Variants in MYO9A observed in about 807,000 individuals in gnomAD.
MYO9A encodes myosin IXA.
Under a neutral mutation model 293.3 loss-of-function variants are expected in MYO9A, and 103 were observed. The ratio of observed to expected loss-of-function variants is 0.35; its 90% CI spans 0.30 to 0.41. The LOEUF is 0.41. MYO9A is among the 10% of genes least tolerant of loss of function. MYO9A has a pLI of 1.00. For missense variants in MYO9A, 2,685 were observed against 3,033.0 expected (o/e 0.89, Z 2.69); for synonymous variants, 1,001 against 1,035.7 (o/e 0.97, Z 0.64).
chr15:72,022,506 C>T (rs533294940), intron 4 of MYO9A, among the ~76,000 whole-genome samples: 428 of 149,428 alleles, frequency 2.9e-3, no homozygotes, highest in Non-Finnish European at 4.8e-3. Context: ...GGTGACAAGG[C>T]GAGACTCTGT....
In MYO9A at chr15:71,868,371, C is replaced by T. The variant is rs148830961; in HGVS notation, c.5980-5760G>A. ...TTTCTCTGTCTTCTACTACCTATGT[C>T]TCCTGCATCATCTTCTACCTCATCT... On this transcript the variant is annotated intron_variant, in intron 32 of 41. Transcript: ENST00000356056. Among the ~76,000 whole-genome samples, 609 of 152,350 alleles carry T rather than the reference C, an allele frequency of 4.0e-3. 3 individuals carry two copies. Among genetic ancestry groups the T allele is most frequent in the African/African-American group, 0.014 (572 of 41,586 alleles).
intron 1 of MYO9A, among the ~76,000 whole-genome samples, chr15:72,106,199 C>T (rs2087688894): frequency 6.6e-6 from 1 of 151,986 alleles, no homozygotes; most frequent in Non-Finnish European, 1.5e-5. Flanking sequence ...GATTCCTGGC[C>T]AGGCACAATG....
intron 27 of MYO9A, 27 bp downstream of exon 27, chr15:71,887,977 C>T: frequency 2.4e-6 from 3 of 1,262,552 alleles, no homozygotes; most frequent in Non-Finnish European, 3.4e-6. Flanking sequence ...TTATATAACC[C>T]CTGTTAACTC....
At chr15:71,981,411 A>G (rs1029479350) in intron 11 of MYO9A, among the ~76,000 whole-genome samples, 1 of 152,162 alleles carries the variant, frequency 6.6e-6, no homozygotes, top group Admixed American at 6.5e-5. Flanking sequence ...ATGGCTTGCA[A>G]TGTTCTTCAG....
At chr15:71,950,193 A>C (rs1352942526) in intron 15 of MYO9A, 1 of 152,196 alleles carries the variant, frequency 6.6e-6, no homozygotes, top group African/African-American at 2.4e-5. Context: ...TTTTATAATT[A>C]GTATATTGCT....
At chr15:71,834,799 T>C (rs1285612638) in intron 39 of MYO9A, among the ~76,000 whole-genome samples, 1 of 151,830 alleles carries the variant, frequency 6.6e-6, no homozygotes, top group Non-Finnish European at 1.5e-5. Flanking sequence ...CAAAAAAGGA[T>C]TATTATGGGT....
intron 13 of MYO9A, among the ~76,000 whole-genome samples, chr15:71,967,322 C>A (rs2075903185): frequency 6.6e-6 from 1 of 152,134 alleles, no homozygotes; most frequent in Admixed American, 6.5e-5. Flanking sequence ...AAACACCAAG[C>A]ACAAAGTCTG....
At chr15:72,065,956 T>G (rs2079009328) in intron 1 of MYO9A, among the ~76,000 whole-genome samples, 1 of 152,228 alleles carries the variant, frequency 6.6e-6, no homozygotes, top group Non-Finnish European at 1.5e-5. Context: ...ACAACTTAGT[T>G]TAAGGAGTGG....
intron 3 of MYO9A, among the ~76,000 whole-genome samples, chr15:72,030,708 G>A (rs1192428903): frequency 3.3e-5 from 5 of 151,986 alleles, no homozygotes; most frequent in Non-Finnish European, 7.4e-5. Flanking sequence ...ATTTTTAGTA[G>A]AGATGGGCTT....
At chr15:71,866,118 A>G (rs2056315108) in intron 32 of MYO9A, among the ~76,000 whole-genome samples, 1 of 152,156 alleles carries the variant, frequency 6.6e-6, no homozygotes. Context: ...AGTTTTACCC[A>G]TGTTTGCTTT....
At chr15:71,936,109 C>T (rs1440857522) in intron 16 of MYO9A, among the ~76,000 whole-genome samples, 1 of 151,978 alleles carries the variant, frequency 6.6e-6, no homozygotes, top group Non-Finnish European at 1.5e-5. Context: ...GTGGTATATA[C>T]ATACAATGGA....
chr15:71,902,429 T>C lies in MYO9A; in HGVS notation c.3000+512A>G, dbSNP rs1276491687. ...AATCAGATAAGTAAGCTGTTCACTG[T>C]ATAAGCAATGTAGATGAGAAGAGAT... is the stretch of plus-strand genomic sequence containing the variant. On this transcript the variant is annotated intron_variant, in intron 22 of 41. Coordinates refer to ENST00000356056, the MANE Select transcript of MYO9A (RefSeq NM_006901.4). 2.0e-5 allele frequency among the ~76,000 whole-genome samples: 3 copies of C among 151,972 alleles called. No individual in the cohort carries two copies. In the East Asian group the frequency reaches 5.8e-4, roughly 29 times the overall value.
At chr15:71,943,438 T>C (rs1368406189) in intron 15 of MYO9A, among the ~76,000 whole-genome samples, 1 of 152,094 alleles carries the variant, frequency 6.6e-6, no homozygotes, top group Non-Finnish European at 1.5e-5. Context: ...TATACAATTT[T>C]TTATTTTGGA....
At position 71,897,510 on chromosome 15, in the gene MYO9A, T is replaced by A. The variant is rs753515332; in HGVS notation, c.4993A>T (p.Asn1665Tyr). The A allele has an allele frequency of 1.9e-6, 3 of 1,613,930 alleles. No individual in the cohort carries two copies. The highest frequency in any genetic ancestry group is 1.3e-5 in the African/African-American group (1 of 74,928). The stretch of plus-strand genomic sequence containing the variant: ...GGAGTGAAGAAAATGGGCCTAGCAT[T>A]TCCCTCTCTGGAAAGGTCATCAGAA... ...HNSDDLSREG[N>Y]ARPIFFTPKD... The change falls in exon 25 of 42, where the codon AAT (asparagine) becomes TAT (tyrosine). Residue 1665 changes from asparagine to tyrosine, a missense_variant. Asn to Tyr is a moderately radical substitution (Grantham distance 143). Transcript: ENST00000356056.
intron 1 of MYO9A, among the ~76,000 whole-genome samples, chr15:72,063,330 T>C (rs1469061032): frequency 6.6e-6 from 1 of 152,126 alleles, no homozygotes; most frequent in Non-Finnish European, 1.5e-5. Flanking sequence ...TCTAGGACAT[T>C]AGTCTGGGCA....
chr15:71,905,971 C>T (rs2057624375), intron 19 of MYO9A, among the ~76,000 whole-genome samples: 1 of 151,752 alleles, frequency 6.6e-6, no homozygotes, highest in African/African-American at 2.4e-5. Context: ...GACATATCTC[C>T]TTTTCTAATA....
intron 39 of MYO9A, among the ~76,000 whole-genome samples, chr15:71,840,465 G>A (rs111319422): frequency 0.025 from 3,802 of 152,186 alleles, 107 homozygotes; most frequent in African/African-American, 0.063. Context: ...GTAGTCATAT[G>A]AGTCTGAAAG....
chr15:71,956,681 A>C (rs1199322590), intron 14 of MYO9A, among the ~76,000 whole-genome samples: 2 of 150,532 alleles, frequency 1.3e-5, no homozygotes, highest in African/African-American at 2.4e-5. Flanking sequence ...CTATCTATAT[A>C]TCTCTCTTAT....
intron 14 of MYO9A, chr15:71,958,884 C>T (rs568938950): frequency 4.1e-4 from 62 of 152,150 alleles, no homozygotes; most frequent in Non-Finnish European, 7.6e-4. Context: ...ATTTTAAATG[C>T]CAAAGGAATA....
Sources: allele counts gnomAD v4.1 joint callset (sites outside exome capture counted in the v4.1 genomes callset), GRCh38; gene constraint gnomAD v4.1.1; transcripts MANE v1.5; gene names NCBI Gene and HGNC (gene_info 2026-07-23, HGNC 2026-07-21).